PIAS2: variants seen among roughly 807,000 people sequenced by gnomAD.
The protein encoded by PIAS2 is E3 SUMO-protein ligase PIAS2.
Under a neutral mutation model 69.7 loss-of-function variants are expected in PIAS2, and 19 were observed. The ratio of observed to expected loss-of-function variants is 0.27; its 90% CI spans 0.19 to 0.40. The LOEUF is 0.40. Ranked by LOEUF, PIAS2 falls within the 10% of genes least tolerant of loss-of-function variation. The probability of loss-of-function intolerance (pLI) is 1.00; values close to 1 mark genes in which losing one functional copy is unlikely to be tolerated. For missense variants in PIAS2, 624 were observed against 757.0 expected, an observed-to-expected ratio of 0.82 and a Z score of 2.06; for synonymous variants, 261 against 263.2, an observed-to-expected ratio of 0.99 and a Z score of 0.08.
At chr18:46,848,431 A>G (rs1488671482) in intron 5 of PIAS2, among the ~76,000 whole-genome samples, 1 of 152,204 alleles carries the variant, frequency 6.6e-6, no homozygotes, top group Non-Finnish European at 1.5e-5. Context: ...AGGCAATGAT[A>G]ATACGTCACA....
intron 1 of PIAS2, among the ~76,000 whole-genome samples, chr18:46,910,182 A>G (rs1274992769): frequency 1.3e-5 from 2 of 152,056 alleles, no homozygotes; most frequent in Non-Finnish European, 2.9e-5. Flanking sequence ...AAATAAATAA[A>G]TTTTACATAT....
chr18:46,852,412 T>C lies in PIAS2; in HGVS notation c.726+2933A>G, dbSNP rs551431085. 3.9e-5 allele frequency among the ~76,000 whole-genome samples: 6 copies of C among 152,360 alleles called. No homozygotes were observed. The South Asian group carries it at 1.2e-3, about 32-fold the overall frequency. On this transcript the variant is annotated intron_variant, in intron 5 of 13. Coordinates refer to ENST00000585916, the MANE Select transcript of PIAS2 (RefSeq NM_004671.5). ...AAATATGTCTTTGCCTTTCTCTCAA[T>C]GCTCTATTTCTTCTCCTCCTTCACA...
upstream of PIAS2, chr18:46,917,637 C>G (rs1282651801): frequency 2.4e-6 from 2 of 828,626 alleles, no homozygotes; most frequent in Non-Finnish European, 2.9e-6. Context: ...CGCGCCTGCC[C>G]CGGCGTGCTG....
intron 8 of PIAS2, among the ~76,000 whole-genome samples, chr18:46,838,955 G>A (rs921505746): frequency 7.2e-5 from 11 of 152,128 alleles, no homozygotes; most frequent in African/African-American, 2.4e-4. Flanking sequence ...AAAAATGAAC[G>A]TTGACTAAAT....
At chr18:46,858,653 C>A (rs138516896) in intron 3 of PIAS2, among the ~76,000 whole-genome samples, 68 of 152,192 alleles carry the variant, frequency 4.5e-4, no homozygotes, top group African/African-American at 1.6e-3. Context: ...GCCTTGATTG[C>A]GGCACTGTAC....
rs1298167111 is a variant in PIAS2 at position 46,864,176 on chromosome 18, A to C, written c.572T>G (p.Ile191Arg). Residue 191 changes from isoleucine (I) to arginine (R), a missense_variant, in exon 3 of 14, where the codon ATA becomes AGA. Coordinates refer to ENST00000585916, the MANE Select transcript of PIAS2 (RefSeq NM_004671.5). Reference protein sequence around the residue: ...FALTPQQVREICISRDFLPGG... With the variant: ...FALTPQQVRERCISRDFLPGG... The stretch of plus-strand genomic sequence containing the variant: ...ATATTCCTCTTACCTGGATATGCAT[A>C]TCTCTCTAACTTGTTGAGGTGTCAA... 6.4e-7 allele frequency: 1 copy of C among 1,565,056 alleles called. No individual in the cohort carries two copies. Among genetic ancestry groups the C allele is most frequent in the African/African-American group, 1.4e-5 (1 of 73,104 alleles).
intron 9 of PIAS2, among the ~76,000 whole-genome samples, chr18:46,833,477 A>G (rs964288913): frequency 6.6e-6 from 1 of 152,212 alleles, no homozygotes; most frequent in East Asian, 1.9e-4. Context: ...TAGGTATATA[A>G]TAAGTCAAAA....
intron 1 of PIAS2, among the ~76,000 whole-genome samples, chr18:46,894,685 T>G: frequency 6.6e-6 from 1 of 151,876 alleles, no homozygotes; most frequent in South Asian, 2.1e-4. Flanking sequence ...AAACACAAAA[T>G]TATTAAAAAT....
intron 1 of PIAS2, chr18:46,916,725 C>G: frequency 4.6e-6 from 3 of 655,836 alleles, no homozygotes; most frequent in Non-Finnish European, 5.7e-6. Flanking sequence ...AAGAAAATAT[C>G]GAGGTTTAAG....
At chr18:46,832,376 A>G (rs1007194755) in intron 9 of PIAS2, among the ~76,000 whole-genome samples, 1 of 151,880 alleles carries the variant, frequency 6.6e-6, no homozygotes, top group Non-Finnish European at 1.5e-5. Flanking sequence ...AGATCATGCC[A>G]CTGCACTCCA....
At chr18:46,852,929 A>T (rs1333992736) in intron 5 of PIAS2, 1 of 152,286 alleles carries the variant, frequency 6.6e-6, no homozygotes, top group Non-Finnish European at 1.5e-5. Flanking sequence ...CCATAGTCTT[A>T]TCTTTCATCA....
At chr18:46,839,511 C>T (rs1194334210) in intron 8 of PIAS2, among the ~76,000 whole-genome samples, 12 of 152,074 alleles carry the variant, frequency 7.9e-5, no homozygotes, top group Admixed American at 7.9e-4. Flanking sequence ...AAATAACGTT[C>T]TAACTCAGCC....
At chr18:46,912,008 G>A (rs966462714) in intron 1 of PIAS2, among the ~76,000 whole-genome samples, 2 of 151,970 alleles carry the variant, frequency 1.3e-5, no homozygotes, top group African/African-American at 4.8e-5. Context: ...CCAAGATGGC[G>A]CCATTGCTCT....
intron 5 of PIAS2, among the ~76,000 whole-genome samples, chr18:46,850,877 T>C (rs2046866733): frequency 1.3e-5 from 2 of 152,200 alleles, no homozygotes; most frequent in African/African-American, 4.8e-5. Flanking sequence ...CACCTTGAAA[T>C]AAATGATTCT....
chr18:46,825,297 G>T (rs1304438067), intron 11 of PIAS2, among the ~76,000 whole-genome samples: 1 of 152,212 alleles, frequency 6.6e-6, no homozygotes, highest in East Asian at 1.9e-4. Flanking sequence ...ACTGTGACAG[G>T]TGGCAGCCAC....
intron 2 of PIAS2, among the ~76,000 whole-genome samples, chr18:46,884,576 T>C (rs1437775209): frequency 6.6e-6 from 1 of 151,844 alleles, no homozygotes; most frequent in African/African-American, 2.4e-5. Flanking sequence ...CTCCCAAAAG[T>C]GTTGGGATTA....
At chr18:46,896,948 T>C (rs1266907046) in intron 1 of PIAS2, among the ~76,000 whole-genome samples, 1 of 152,226 alleles carries the variant, frequency 6.6e-6, no homozygotes, top group Non-Finnish European at 1.5e-5. Flanking sequence ...ATATGGAGTT[T>C]CCTTTCAAAT....
intron 5 of PIAS2, among the ~76,000 whole-genome samples, chr18:46,847,254 G>A (rs748303778): frequency 7.9e-5 from 12 of 152,170 alleles, no homozygotes; most frequent in Non-Finnish European, 1.5e-4. Context: ...ACTGGGAAGT[G>A]AGGGGAAAGA....
chr18:46,840,578 G>T (rs1320652331), intron 8 of PIAS2, among the ~76,000 whole-genome samples: 1 of 152,110 alleles, frequency 6.6e-6, no homozygotes, highest in African/African-American at 2.4e-5. Flanking sequence ...ATACAGAAAC[G>T]AGAATATCCA....
Sources: allele counts gnomAD v4.1 joint callset (sites outside exome capture counted in the v4.1 genomes callset), GRCh38; gene constraint gnomAD v4.1.1; transcripts MANE v1.5; gene names NCBI Gene and HGNC (gene_info 2026-07-23, HGNC 2026-07-21).